Variants in RXRA observed in about 807,000 individuals in gnomAD.
RXRA encodes retinoid X receptor alpha.
Under a neutral mutation model 44.5 loss-of-function variants are expected in RXRA, and 5 were observed. The observed-to-expected ratio is 0.11, with a 90% confidence interval of 0.06 to 0.24. The LOEUF (loss-of-function observed/expected upper bound fraction) is 0.24. Among genes scored for constraint, RXRA ranks in the 10% least tolerant of loss-of-function variants. RXRA has a pLI of 1.00. For missense variants in RXRA, 412 were observed against 646.5 expected, an observed-to-expected ratio of 0.64 and a Z score of 3.93; for synonymous variants, 291 against 271.4, an observed-to-expected ratio of 1.07 and a Z score of -0.71.
chr9:134,368,541 G>T (rs985373757), intron 1 of RXRA, among the ~76,000 whole-genome samples: 5 of 152,050 alleles, frequency 3.3e-5, no homozygotes, highest in African/African-American at 1.2e-4. Flanking sequence ...GTGTGTATGA[G>T]TGTGTGTGTG....
intron 6 of RXRA, chr9:134,422,176 C>T (rs1157373380): frequency 7.7e-7 from 1 of 1,293,590 alleles, no homozygotes; most frequent in Non-Finnish European, 1.0e-6. Flanking sequence ...ACTTCCCCCT[C>T]CTGGGACACA....
At chr9:134,399,567 T>C (rs1830929378) in intron 1 of RXRA, among the ~76,000 whole-genome samples, 1 of 152,066 alleles carries the variant, frequency 6.6e-6, no homozygotes, top group South Asian at 2.1e-4. Flanking sequence ...GTGTTTGATA[T>C]CTACATGTGG....
chr9:134,341,622 G>A (rs1001734568), intron 1 of RXRA, among the ~76,000 whole-genome samples: 3 of 152,246 alleles, frequency 2.0e-5, no homozygotes, highest in African/African-American at 7.2e-5. Flanking sequence ...GGGCATGGGT[G>A]GCCCAGGGTT....
At chr9:134,354,428 G>A (rs1588260249) in intron 1 of RXRA, among the ~76,000 whole-genome samples, 1 of 152,208 alleles carries the variant, frequency 6.6e-6, no homozygotes, top group African/African-American at 2.4e-5. Flanking sequence ...GTGGTGGAAC[G>A]AATGAACTCA....
intron 1 of RXRA, among the ~76,000 whole-genome samples, chr9:134,329,499 C>T (rs1834970264): frequency 6.6e-6 from 1 of 152,216 alleles, no homozygotes; most frequent in South Asian, 2.1e-4. Flanking sequence ...CTAGGGCTGG[C>T]TGCTGGGCCT....
rs1491022699 is a variant in RXRA, at chr9:134,339,110, CCT to C, written c.28+12452_28+12453del. 5.9e-5 allele frequency among the ~76,000 whole-genome samples: 8 copies of C among 135,872 alleles called. No individual in the cohort carries two copies. The Admixed American group carries it at 6.0e-4, about 10-fold the overall frequency. 89.1% of individuals were successfully genotyped at this position (135,872 alleles called of 152,430 possible). ...CGGGGCAGGGCTGGTGGTCACCCCC[CCT>C]GGGGTTGGCCCCGTGGGCTCAGGGC... On this transcript the variant is annotated intron_variant, in intron 1 of 9. Coordinates refer to ENST00000481739, the MANE Select transcript of RXRA (RefSeq NM_002957.6).
intron 2 of RXRA, 53 bp from the exon 3 acceptor site, chr9:134,408,096 A>G: frequency 7.0e-7 from 1 of 1,429,298 alleles, no homozygotes; most frequent in Non-Finnish European, 9.4e-7. Context: ...CGTGGGGGAC[A>G]TAGGGACAAA....
At position 134,401,644 on chromosome 9, in the gene RXRA, A is replaced by G. The variant is rs1449596017; in HGVS notation, c.41A>G (p.Gln14Arg). The G allele has an allele frequency of 2.5e-6, 4 of 1,612,784 alleles. No individual in the cohort carries two copies. Among genetic ancestry groups the G allele is most frequent in the Non-Finnish European group, 3.4e-6 (4 of 1,179,928 alleles). ...TCTTGTCTTGCAGATTTCTCCACCC[A>G]GGTGAACTCCTCCCTCACCTCCCCG... ...KHFLPLDFST[Q>R]VNSSLTSPTG... Residue 14 changes from glutamine (Q) to arginine (R), a missense_variant, in exon 2 of 10, where the codon CAG (glutamine) becomes CGG (arginine). Physicochemically the swap from Gln to Arg is conservative, Grantham distance 43. Around this residue, in one of 4 missense-constraint regions of RXRA, gnomAD observed 156 missense variants for 177.2 expected, o/e 0.88. Coordinates refer to ENST00000481739, the MANE Select transcript of RXRA (RefSeq NM_002957.6).
At chr9:134,348,741 G>A (rs1395926054) in intron 1 of RXRA, among the ~76,000 whole-genome samples, 2 of 152,240 alleles carry the variant, frequency 1.3e-5, no homozygotes, top group Non-Finnish European at 2.9e-5. Context: ...AAGGCATCAC[G>A]TGTCCGCCAT....
chr9:134,419,120 G>C (rs1249355096), intron 5 of RXRA, among the ~76,000 whole-genome samples: 1 of 152,200 alleles, frequency 6.6e-6, no homozygotes, highest in East Asian at 1.9e-4. Context: ...CCCCTTGAGT[G>C]ACAGGCACAG....
intron 1 of RXRA, among the ~76,000 whole-genome samples, chr9:134,388,101 C>T (rs905227484): frequency 1.3e-5 from 2 of 151,974 alleles, no homozygotes; most frequent in Admixed American, 1.3e-4. Context: ...GTAAAGTGGG[C>T]GCAGAAGTTT....
chr9:134,430,366 G>A (rs1831513445), intron 7 of RXRA, among the ~76,000 whole-genome samples: 1 of 152,216 alleles, frequency 6.6e-6, no homozygotes, highest in Non-Finnish European at 1.5e-5. Context: ...CCTGGAGAAC[G>A]TGGCCCCTGA....
intron 9 of RXRA, among the ~76,000 whole-genome samples, chr9:134,435,609 G>A (rs1831606494): frequency 6.6e-6 from 1 of 152,178 alleles, no homozygotes; most frequent in African/African-American, 2.4e-5. Flanking sequence ...GATGCTTTAT[G>A]GAAAGGGTCT....
intron 6 of RXRA, chr9:134,424,318 A>G: frequency 3.0e-6 from 3 of 985,334 alleles, no homozygotes; most frequent in Non-Finnish European, 3.6e-6. Flanking sequence ...CATCTCTGCG[A>G]GGGTGGCCTC....
At chr9:134,386,322 T>C (rs1024366936) in intron 1 of RXRA, among the ~76,000 whole-genome samples, 2 of 152,258 alleles carry the variant, frequency 1.3e-5, no homozygotes, top group African/African-American at 4.8e-5. Flanking sequence ...GCCATGAGGC[T>C]GCACCTCCTT....
intron 7 of RXRA, among the ~76,000 whole-genome samples, chr9:134,430,060 G>A (rs895804918): frequency 1.1e-4 from 16 of 152,194 alleles, no homozygotes; most frequent in African/African-American, 3.9e-4. Context: ...TATTTTTTTT[G>A]TATTTTTAGT....
chr9:134,335,666 C>T (rs1231354796), intron 1 of RXRA, among the ~76,000 whole-genome samples: 1 of 152,150 alleles, frequency 6.6e-6, no homozygotes, highest in Non-Finnish European at 1.5e-5. Context: ...AGGGGTGGGC[C>T]TCGCTGCAGC....
intron 6 of RXRA, 148 bp downstream of exon 6, chr9:134,421,953 G>A (rs1460323007): frequency 8.7e-6 from 13 of 1,497,820 alleles, no homozygotes; most frequent in African/African-American, 2.9e-5. Context: ...CCTACCTCCC[G>A]GGACACTCCC....
chr9:134,423,969 G>A, intron 6 of RXRA: 15 of 985,430 alleles, frequency 1.5e-5, no homozygotes, highest in Non-Finnish European at 1.8e-5. Context: ...TGGGGGCCTG[G>A]CGGAGGTCCG....
Sources: allele counts gnomAD v4.1 joint callset (sites outside exome capture counted in the v4.1 genomes callset), GRCh38; gene constraint gnomAD v4.1.1; regional missense constraint gnomAD v4.1.1; transcripts MANE v1.5; gene names NCBI Gene and HGNC (gene_info 2026-07-23, HGNC 2026-07-21).